Variants in IDH2 observed in about 807,000 individuals in gnomAD.
The protein encoded by IDH2 is isocitrate dehydrogenase (NADP(+)) 2.
In IDH2, 18 loss-of-function variants were observed where a neutral mutation model predicts 50.5. The observed-to-expected ratio is 0.36, with a 90% CI of 0.25 to 0.53. The LOEUF (loss-of-function observed/expected upper bound fraction) is 0.53. Ranked by LOEUF, IDH2 falls within the 20% of genes least tolerant of loss-of-function variation. The pLI, the probability that IDH2 is intolerant of heterozygous loss-of-function variation, is 0.92. For synonymous variants in IDH2, 280 were observed against 239.8 expected (o/e 1.17, Z -1.55); for missense variants, 518 against 610.7 (o/e 0.85, Z 1.60).
chr15:90,090,745 A>T, intron 2 of IDH2, 101 bp from the exon 3 acceptor site: 1 of 1,268,670 alleles, frequency 7.9e-7, no homozygotes, highest in Non-Finnish European at 1.1e-6. Flanking sequence ...GGGGACAGTC[A>T]GTCAAAACAG....
In IDH2 at chr15:90,085,274, C is replaced by T; in HGVS notation, c.1080+1G>A. On this transcript the variant is annotated splice_donor_variant, in intron 8 of 10. Coordinates refer to ENST00000330062, the MANE Select transcript of IDH2 (RefSeq NM_002168.4). LOFTEE classifies it high-confidence loss of function. The surrounding 1 kb of genome is among the most constrained non-coding windows in gnomAD (Gnocchi z 5.5). Reference sequence around the variant, plus strand: ...TGTGAGGCCCCATGCCCTGCACTCACCTTCTGGTGCTCCCGATAGTGGCGG... The same window carrying T: ...TGTGAGGCCCCATGCCCTGCACTCATCTTCTGGTGCTCCCGATAGTGGCGG... 1 of 1,557,512 alleles carries T rather than the reference C, an allele frequency of 6.4e-7. No individual in the cohort carries two copies. The highest frequency in any genetic ancestry group is 8.7e-7 in the Non-Finnish European group (1 of 1,149,654).
In IDH2 at chr15:90,098,523, T is replaced by TATGCATGCATGTATGTATGC. The variant is rs1456619561; in HGVS notation, c.115+3752_115+3753insGCATACATACATGCATGCAT. ...TATTTTATGTATGTATGTATGTATG[T>TATGCATGCATGTATGTATGC]ATGCATGCATGTATGTATGTATGTA... is the stretch of plus-strand genomic sequence containing the variant. On this transcript the variant is annotated intron_variant, in intron 1 of 10. Coordinates refer to ENST00000330062, the MANE Select transcript of IDH2 (RefSeq NM_002168.4). This position sits in a 1 kb window ranked among gnomAD's most constrained non-coding sequence, Gnocchi z 5.1. Among the ~76,000 whole-genome samples, 13 of 90,146 alleles carry TATGCATGCATGTATGTATGC rather than the reference T, an allele frequency of 1.4e-4. No homozygotes were observed. The highest frequency in any genetic ancestry group is 5.7e-4 in the East Asian group (2 of 3,498). The allele number at this position is 90,146 out of a possible 152,430, so 59.1% of individuals were successfully genotyped here. A position where few individuals can be genotyped will look rare whatever the true frequency, so the allele number is the denominator to read the frequency against.
intron 3 of IDH2, among the ~76,000 whole-genome samples, chr15:90,089,586 C>G (rs1032147864): frequency 2.6e-5 from 4 of 152,192 alleles, no homozygotes; most frequent in African/African-American, 9.7e-5. Context: ...GCTCAACACT[C>G]AAATGATCCC....
Position 90,096,730 on chromosome 15 carries a change from C to T in IDH2, c.116-5086G>A, listed in dbSNP as rs537927158. Among the ~76,000 whole-genome samples, 17 of 152,130 alleles carry T rather than the reference C, an allele frequency of 1.1e-4. No individual in the cohort carries two copies. In the East Asian group the frequency reaches 3.3e-3, roughly 29 times the overall value. On this transcript the variant is annotated intron_variant, in intron 1 of 10. Transcript: ENST00000330062. ...AAGATCGAGACCATCCTGGCTAACA[C>T]AGTGAAACCCTGACTCTACTAAAAA...
chr15:90,089,700 G>C (rs1053037069), intron 3 of IDH2, among the ~76,000 whole-genome samples: 1 of 152,214 alleles, frequency 6.6e-6, no homozygotes, highest in African/African-American at 2.4e-5. Context: ...GTGGAAAGTA[G>C]GAAGAGAGAG....
chr15:90,098,507 T>TATGTATGTATGTATGCATGCATGC lies in IDH2; in HGVS notation c.115+3768_115+3769insGCATGCATGCATACATACATACAT, dbSNP rs1434326363. Among the ~76,000 whole-genome samples, 2 of 42,680 alleles carry TATGTATGTATGTATGCATGCATGC rather than the reference T, an allele frequency of 4.7e-5. No individual in the cohort carries two copies. Among genetic ancestry groups the TATGTATGTATGTATGCATGCATGC allele is most frequent in the African/African-American group, 9.8e-5 (2 of 20,508 alleles). The allele number at this position is 42,680 out of a possible 152,430, so 28.0% of individuals were successfully genotyped here. On this transcript the variant is annotated intron_variant, in intron 1 of 10. Transcript: ENST00000330062. The surrounding 1 kb of genome is among the most constrained non-coding windows in gnomAD (Gnocchi z 5.1). ...GGACAGCAACTTTGTATATTTTATG[T>TATGTATGTATGTATGCATGCATGC]ATGTATGTATGTATGTATGCATGCA...
rs191944731 is a variant in IDH2, at chr15:90,085,678, C to T, written c.968-291G>A. Among the ~76,000 whole-genome samples, 388 of 152,296 alleles carry T rather than the reference C, an allele frequency of 2.5e-3. 1 individual carries two copies. The highest frequency in any genetic ancestry group is 8.9e-3 in the African/African-American group (371 of 41,576). On this transcript the variant is annotated intron_variant, in intron 7 of 10. Coordinates refer to ENST00000330062, the MANE Select transcript of IDH2 (RefSeq NM_002168.4). This position sits in a 1 kb window ranked among gnomAD's most constrained non-coding sequence, Gnocchi z 5.5. ...CCCCACAGCCTGTGGCCCACAGGGC[C>T]CAAGAGGCCACAGAGTCCTGTGGTC...
chr15:90,087,574 G>A lies in IDH2; in HGVS notation c.680C>T (p.Ser227Phe). The change falls in exon 6 of 11, where the codon TCC becomes TTC. Residue 227 changes from serine to phenylalanine, a missense_variant and splice_region_variant. Ser to Phe is a radical substitution (Grantham distance 155). Around this residue, in one of 5 missense-constraint regions of IDH2, gnomAD observed 207 missense variants for 208.6 expected, o/e 0.99. Coordinates refer to ENST00000330062, the MANE Select transcript of IDH2 (RefSeq NM_002168.4). ...VGMGMYNTDESISGFAHSCFQ... is the reference protein window; with the variant it reads ...VGMGMYNTDEFISGFAHSCFQ... ...GCAGCTGTGCGCAAAACCTGAGATG[G>A]ACTGCAGGGGGAGAGACAGGGCCCT... The A allele has an allele frequency of 6.2e-7, 1 of 1,613,132 alleles. No individual in the cohort carries two copies. Among genetic ancestry groups the A allele is most frequent in the Non-Finnish European group, 8.5e-7 (1 of 1,180,022 alleles).
In IDH2 at chr15:90,090,459, C is replaced by A. The variant is rs767167167; in HGVS notation, c.373+20G>T. The A allele has an allele frequency of 1.2e-6, 2 of 1,612,122 alleles. No homozygotes were observed. Among genetic ancestry groups the A allele is most frequent in the Admixed American group, 3.3e-5 (2 of 59,996 alleles). On this transcript the variant is annotated intron_variant, in intron 3 of 10. Transcript: ENST00000330062. Reference sequence around the variant, plus strand: ...AAGCCTGTGACCCTCCCTGGCCCGCCCACCTCCACACCCTCGCACCTTCCA... The same window carrying A: ...AAGCCTGTGACCCTCCCTGGCCCGCACACCTCCACACCCTCGCACCTTCCA...
intron 3 of IDH2, among the ~76,000 whole-genome samples, chr15:90,088,979 A>G (rs1900957171): frequency 7.3e-6 from 1 of 137,654 alleles, no homozygotes; most frequent in South Asian, 2.2e-4. Flanking sequence ...CAATGGCGCG[A>G]TCTCGGCTCA....
At chr15:90,097,844 A>G (rs1271488673) in intron 1 of IDH2, among the ~76,000 whole-genome samples, 1 of 152,206 alleles carries the variant, frequency 6.6e-6, no homozygotes, top group Non-Finnish European at 1.5e-5. Flanking sequence ...AAATAATAAA[A>G]ATTTAAACCA....
intron 1 of IDH2, among the ~76,000 whole-genome samples, chr15:90,101,419 G>A (rs1356525538): frequency 6.6e-6 from 1 of 152,092 alleles, no homozygotes; most frequent in East Asian, 1.9e-4. Flanking sequence ...ATGCCCACAC[G>A]CCAAGCAAGG....
chr15:90,098,311 C>T lies in IDH2; in HGVS notation c.115+3965G>A, dbSNP rs1357974295. On this transcript the variant is annotated intron_variant, in intron 1 of 10. Coordinates refer to ENST00000330062, the MANE Select transcript of IDH2 (RefSeq NM_002168.4). This position sits in a 1 kb window ranked among gnomAD's most constrained non-coding sequence, Gnocchi z 5.1. ...TTCAAAACACATCCCTGGCTTCTTG[C>T]TGCTCCCAGCAGGAGGCTAGAGGTC... 6.6e-6 allele frequency among the ~76,000 whole-genome samples: 1 copy of T among 152,208 alleles called. No homozygotes were observed. The highest frequency in any genetic ancestry group is 1.5e-5 in the Non-Finnish European group (1 of 68,028).
chr15:90,095,707 T>A (rs184443059), intron 1 of IDH2, among the ~76,000 whole-genome samples: 1 of 152,248 alleles, frequency 6.6e-6, no homozygotes, highest in East Asian at 1.9e-4. Context: ...AGTACCCCAC[T>A]GGGATACTGA....
rs1567261921 is a variant in IDH2 at position 90,102,452 on chromosome 15, C to T, written c.-62G>A. 7 of 970,742 alleles carry T rather than the reference C, an allele frequency of 7.2e-6. No individual in the cohort carries two copies. Among genetic ancestry groups the T allele is most frequent in the Non-Finnish European group, 9.2e-6 (7 of 757,062 alleles). 60.1% of individuals were successfully genotyped at this position (970,742 alleles called of 1,614,324 possible). ...TCCGAGCGCGCGCCGCTCCTCCCGG[C>T]TGCCTGGCCGCGGGCTAACGCTGGG... On this transcript the variant is annotated 5_prime_UTR_variant, in exon 1 of 11. Coordinates refer to ENST00000330062, the MANE Select transcript of IDH2 (RefSeq NM_002168.4).
At chr15:90,091,856 T>G (rs1364958098) in intron 1 of IDH2, among the ~76,000 whole-genome samples, 1 of 152,206 alleles carries the variant, frequency 6.6e-6, no homozygotes, top group African/African-American at 2.4e-5. Context: ...CCGTGGGCTC[T>G]GGAGAGAGGT....
rs189226860 is a variant in IDH2, at chr15:90,084,729, G to A, written c.1271+87C>T. The A allele has an allele frequency of 1.0e-3, 1,134 of 1,095,128 alleles. 1 individual carries two copies. Among genetic ancestry groups the A allele is most frequent in the Non-Finnish European group, 1.5e-3 (1,100 of 717,754 alleles). The allele number at this position is 1,095,128 out of a possible 1,614,324, so 67.8% of individuals were successfully genotyped here. ...CTGCCCCAGGCCCCCTTGCAGCTAA[G>A]CTGACTCATGAGGGGGACTTTAGGA... On this transcript the variant is annotated intron_variant, in intron 10 of 10. Transcript: ENST00000330062. This position sits in a 1 kb window ranked among gnomAD's most constrained non-coding sequence, Gnocchi z 5.0.
At chr15:90,091,858 G>C (rs553946508) in intron 1 of IDH2, among the ~76,000 whole-genome samples, 3 of 152,244 alleles carry the variant, frequency 2.0e-5, no homozygotes, top group African/African-American at 7.2e-5. Context: ...GTGGGCTCTG[G>C]AGAGAGGTCA....
At chr15:90,087,596 C>A (rs750862424) in intron 5 of IDH2, 21 bp from the exon 6 acceptor site, 1 of 1,612,456 alleles carries the variant, frequency 6.2e-7, no homozygotes, top group Non-Finnish European at 8.5e-7. Context: ...AGAGACAGGG[C>A]CCTGGCGTGG....
Sources: gnomAD v4.1 joint callset for allele counts (sites outside exome capture counted in the v4.1 genomes callset) on GRCh38, gnomAD v4.1.1 for gene constraint, gnomAD v4.1.1 regional missense constraint, Gnocchi (gnomAD v3.1) non-coding constraint, MANE v1.5 for transcripts, NCBI Gene and HGNC (gene_info 2026-07-23, HGNC 2026-07-21) for gene names.